Variants in ITPK1 observed in about 807,000 individuals in gnomAD.
The protein encoded by ITPK1 is inositol 1,3,4-trisphosphate 5/6-kinase.
ITPK1 carries 21 observed loss-of-function variants against 45.3 expected under a neutral mutation model. The observed-to-expected ratio is 0.46, with a 90% CI of 0.33 to 0.67. ITPK1 has a LOEUF of 0.67. ITPK1 is among the 30% of genes least tolerant of loss of function. The probability of loss-of-function intolerance (pLI) is 0.02; values close to 1 mark genes in which losing one functional copy is unlikely to be tolerated. For missense variants in ITPK1, 474 were observed against 573.5 expected (o/e 0.83, Z 1.77); for synonymous variants, 258 against 253.6 (o/e 1.02, Z -0.16).
intron 4 of ITPK1, among the ~76,000 whole-genome samples, chr14:93,015,907 C>T (rs1307630361): frequency 6.6e-6 from 1 of 152,216 alleles, no homozygotes; most frequent in Non-Finnish European, 1.5e-5. Context: ...CTGCGCCTGT[C>T]ACACGCTAGA....
At chr14:92,986,706 G>A (rs1010870908) in intron 5 of ITPK1, among the ~76,000 whole-genome samples, 1 of 152,166 alleles carries the variant, frequency 6.6e-6, no homozygotes, top group Non-Finnish European at 1.5e-5. Context: ...TTCTTGTTTT[G>A]CTGGGGAGCG....
rs531269765 is a variant in ITPK1 at position 93,020,874 on chromosome 14, C to T, written c.121-4073G>A. Among the ~76,000 whole-genome samples the T allele has an allele frequency of 3.9e-5, 6 of 152,218 alleles. No individual in the cohort carries two copies. The East Asian group carries it at 7.7e-4, about 20-fold the overall frequency. The stretch of plus-strand genomic sequence containing the variant: ...TCTTGCACACTTGCTCGGTGCCAGG[C>T]TCTACTCTAAGCACTTCACATGCAC... On this transcript the variant is annotated intron_variant, in intron 3 of 10. Coordinates refer to ENST00000267615, the MANE Select transcript of ITPK1 (RefSeq NM_014216.6).
intron 2 of ITPK1, among the ~76,000 whole-genome samples, chr14:93,078,046 A>G (rs72706433): frequency 0.14 from 20,624 of 152,060 alleles, 1,521 homozygotes; most frequent in South Asian, 0.25. Flanking sequence ...CCCGTGCCCA[A>G]TTATGATGCC....
intron 3 of ITPK1, among the ~76,000 whole-genome samples, chr14:93,062,822 T>A (rs1890588450): frequency 6.6e-6 from 1 of 152,204 alleles, no homozygotes; most frequent in African/African-American, 2.4e-5. Context: ...GCGTTTCATC[T>A]TCTCCCCAAG....
intron 2 of ITPK1, among the ~76,000 whole-genome samples, chr14:93,103,368 T>C (rs1344640920): frequency 1.3e-5 from 2 of 150,050 alleles, no homozygotes; most frequent in Non-Finnish European, 3.0e-5. Context: ...GCAGTGAGAT[T>C]GCACCACTGC....
At chr14:93,056,923 A>G (rs1174912792) in intron 3 of ITPK1, among the ~76,000 whole-genome samples, 1 of 152,248 alleles carries the variant, frequency 6.6e-6, no homozygotes, top group Non-Finnish European at 1.5e-5. Flanking sequence ...TTCAAGCATG[A>G]TGTTTCAAGG....
intron 8 of ITPK1, among the ~76,000 whole-genome samples, chr14:92,953,063 G>A (rs1282420361): frequency 6.6e-6 from 1 of 152,232 alleles, no homozygotes; most frequent in East Asian, 1.9e-4. Flanking sequence ...TGGCACCCAG[G>A]CGCCTATGTG....
intron 3 of ITPK1, chr14:93,069,633 TC>T (rs34815117): frequency 6.5e-6 from 1 of 152,728 alleles, no homozygotes; most frequent in African/African-American, 2.4e-5. Context: ...GGCTTGGGCA[TC>T]CCCACGGTTT....
At chr14:93,098,456 C>CAAAA (rs35436506) in intron 2 of ITPK1, among the ~76,000 whole-genome samples, 1 of 141,196 alleles carries the variant, frequency 7.1e-6, no homozygotes, top group Non-Finnish European at 1.6e-5. Flanking sequence ...GATTCCGTCT[C>CAAAA]AAAAAAAAAA....
At chr14:92,971,547 C>A (rs1234540940) in intron 5 of ITPK1, among the ~76,000 whole-genome samples, 1 of 152,242 alleles carries the variant, frequency 6.6e-6, no homozygotes, top group Non-Finnish European at 1.5e-5. Flanking sequence ...TACGCAAGGT[C>A]TGCTGGGGAG....
intron 3 of ITPK1, among the ~76,000 whole-genome samples, chr14:93,056,247 G>C (rs1253403524): frequency 1.3e-5 from 2 of 152,198 alleles, no homozygotes; most frequent in Non-Finnish European, 2.9e-5. Flanking sequence ...GTCGGGGAAG[G>C]AGTCAGAAAG....
intron 2 of ITPK1, among the ~76,000 whole-genome samples, chr14:93,107,586 G>A (rs1892574745): frequency 6.6e-6 from 1 of 152,144 alleles, no homozygotes; most frequent in Non-Finnish European, 1.5e-5. Flanking sequence ...GGTGTGCCCT[G>A]GAACATCATG....
In ITPK1 at chr14:92,958,569, C is replaced by T. The variant is rs565777954; in HGVS notation, c.505-203G>A. Among the ~76,000 whole-genome samples, 25 of 152,296 alleles carry T rather than the reference C, an allele frequency of 1.6e-4. No homozygotes were observed. In the South Asian group the frequency reaches 3.3e-3, roughly 20 times the overall value. On this transcript the variant is annotated intron_variant, in intron 7 of 10. Transcript: ENST00000267615. This position sits in a 1 kb window ranked among gnomAD's most constrained non-coding sequence, Gnocchi z 4.4. ...ACCTGGGGATGCATCCCTTCTGCCACGGGGTTGGAGATCCTCCCTTCACCG... is the reference window on the plus strand; with the variant it reads ...ACCTGGGGATGCATCCCTTCTGCCATGGGGTTGGAGATCCTCCCTTCACCG...
chr14:92,962,596 T>A (rs1885133647), intron 6 of ITPK1, among the ~76,000 whole-genome samples, 155 bp downstream of exon 6: 1 of 152,072 alleles, frequency 6.6e-6, no homozygotes, highest in African/African-American at 2.4e-5. Flanking sequence ...CCAGGACCCG[T>A]TTCTATGGTG....
At chr14:92,963,511 T>C (rs1416921353) in intron 5 of ITPK1, among the ~76,000 whole-genome samples, 2 of 152,146 alleles carry the variant, frequency 1.3e-5, no homozygotes, top group African/African-American at 4.8e-5. Flanking sequence ...TGTGTGGAGC[T>C]CCAGAGGTGG....
chr14:93,028,200 A>T (rs773947767), intron 3 of ITPK1, among the ~76,000 whole-genome samples: 140 of 152,374 alleles, frequency 9.2e-4, no homozygotes, highest in Middle Eastern at 6.8e-3. Context: ...TATGATGAAC[A>T]GCGTGCCTTC....
At chr14:92,977,207 T>C (rs776010578) in intron 5 of ITPK1, among the ~76,000 whole-genome samples, 1 of 152,234 alleles carries the variant, frequency 6.6e-6, no homozygotes, top group African/African-American at 2.4e-5. Flanking sequence ...TCCATCATTA[T>C]CGTCATCATC....
At chr14:92,989,532 G>T (rs77482898) in intron 5 of ITPK1, among the ~76,000 whole-genome samples, 6,146 of 152,248 alleles carry the variant, frequency 0.04, 429 homozygotes, top group African/African-American at 0.14. Flanking sequence ...AGCTAGAGCC[G>T]TGCCCAGAAT....
intron 5 of ITPK1, among the ~76,000 whole-genome samples, chr14:92,975,674 G>T (rs1014668278): frequency 6.6e-6 from 1 of 152,210 alleles, no homozygotes; most frequent in Non-Finnish European, 1.5e-5. Context: ...GGCCTGAATA[G>T]AACAAAAGGA....
Sources: allele counts gnomAD v4.1 joint callset (sites outside exome capture counted in the v4.1 genomes callset), GRCh38; gene constraint gnomAD v4.1.1; non-coding constraint Gnocchi (gnomAD v3.1); transcripts MANE v1.5; gene names NCBI Gene and HGNC (gene_info 2026-07-23, HGNC 2026-07-21).